Variants in L2HGDH observed in about 807,000 individuals in gnomAD.
The protein encoded by L2HGDH is L-2-hydroxyglutarate dehydrogenase, also known as L-2-hydroxyglutarate dehydrogenase, mitochondrial.
In L2HGDH, 34 loss-of-function variants were observed where a neutral mutation model predicts 51.5. That is an observed-to-expected ratio of 0.66 (90% CI 0.50 to 0.88). The LOEUF (loss-of-function observed/expected upper bound fraction) is 0.88, where lower values mean the gene tolerates loss of function less well. Ranked by LOEUF, L2HGDH falls within the 40% of genes least tolerant of loss-of-function variation. The probability of loss-of-function intolerance (pLI) is 0.00; values close to 1 mark genes in which losing one functional copy is unlikely to be tolerated. For synonymous variants in L2HGDH, 198 were observed against 197.9 expected (o/e 1.00, Z -0.01); for missense variants, 558 against 571.9 (o/e 0.98, Z 0.25).
chr14:50,282,824 T>G (rs76178303), intron 5 of L2HGDH, among the ~76,000 whole-genome samples: 1 of 152,032 alleles, frequency 6.6e-6, no homozygotes. Context: ...GCAGATCACT[T>G]GAGTCCAGGA....
chr14:50,304,452 C>T (rs761683412), intron 1 of L2HGDH, among the ~76,000 whole-genome samples: 13 of 152,128 alleles, frequency 8.5e-5, no homozygotes, highest in Non-Finnish European at 5.9e-5. Flanking sequence ...TAAACAACTC[C>T]GAGAAAATAA....
At chr14:50,283,743 TCTA>T (rs1384511890) in intron 5 of L2HGDH, 125 bp downstream of exon 5, 5 of 728,864 alleles carry the variant, frequency 6.9e-6, no homozygotes, top group Admixed American at 5.0e-5. Flanking sequence ...TATGTATTAT[TCTA>T]CTATTATTTT....
At chr14:50,308,884 G>C (rs894500203) in intron 1 of L2HGDH, among the ~76,000 whole-genome samples, 1 of 152,152 alleles carries the variant, frequency 6.6e-6, no homozygotes, top group Non-Finnish European at 1.5e-5. Flanking sequence ...ATGGTAAACG[G>C]TTAAACAAAT....
intron 9 of L2HGDH, 91 bp from the exon 10 acceptor site, chr14:50,247,344 A>G (rs1294017812): frequency 6.5e-7 from 1 of 1,535,442 alleles, no homozygotes; most frequent in African/African-American, 1.4e-5. Context: ...GCAATAAAGT[A>G]TTCTTCTAAA....
At chr14:50,285,033 G>A (rs1324354153) in intron 4 of L2HGDH, among the ~76,000 whole-genome samples, 1 of 152,146 alleles carries the variant, frequency 6.6e-6, no homozygotes, top group Non-Finnish European at 1.5e-5. Flanking sequence ...GGATCACAAG[G>A]TCAGGAGTTC....
At chr14:50,297,078 GA>G (rs1443392732) in intron 3 of L2HGDH, among the ~76,000 whole-genome samples, 1 of 152,090 alleles carries the variant, frequency 6.6e-6, no homozygotes, top group Non-Finnish European at 1.5e-5. Flanking sequence ...TTTCATGATA[GA>G]AAACATTCAA....
At chr14:50,262,265 A>G (rs914856690) in intron 9 of L2HGDH, among the ~76,000 whole-genome samples, 1 of 151,960 alleles carries the variant, frequency 6.6e-6, no homozygotes, top group Non-Finnish European at 1.5e-5. Context: ...CCCTGTCTCT[A>G]TTAAAAATAC....
rs558792699 is a variant in L2HGDH, at chr14:50,288,683, G to A, written c.541-4650C>T. Among the ~76,000 whole-genome samples the A allele has an allele frequency of 1.4e-4, 22 of 152,146 alleles. No homozygotes were observed. The East Asian group carries it at 3.7e-3, about 25-fold the overall frequency. On this transcript the variant is annotated intron_variant, in intron 4 of 9. Transcript: ENST00000267436. ...TGACCTCAGATGATCCGCCTACCTC[G>A]GCCTCCCAAAGTGCTGGGATTACAG... is the stretch of plus-strand genomic sequence containing the variant.
chr14:50,298,832 G>A (rs774865435), intron 3 of L2HGDH, among the ~76,000 whole-genome samples: 69 of 152,088 alleles, frequency 4.5e-4, no homozygotes, highest in Non-Finnish European at 9.3e-4. Flanking sequence ...GGGAAACAGC[G>A]AAAGCCGTAC....
chr14:50,270,715 C>G (rs980475567), intron 6 of L2HGDH, among the ~76,000 whole-genome samples: 1 of 152,102 alleles, frequency 6.6e-6, no homozygotes, highest in African/African-American at 2.4e-5. Flanking sequence ...ACCGTGTTAG[C>G]CAGGATGGTC....
At chr14:50,253,027 T>C (rs1446506542) in intron 9 of L2HGDH, among the ~76,000 whole-genome samples, 2 of 152,144 alleles carry the variant, frequency 1.3e-5, no homozygotes, top group African/African-American at 2.4e-5. Flanking sequence ...ATAGACCATA[T>C]GTTAGATCAC....
At chr14:50,311,237 C>G (rs1285154363) in intron 1 of L2HGDH, 2 of 420,920 alleles carry the variant, frequency 4.8e-6, no homozygotes, top group African/African-American at 4.1e-5. Context: ...TTTTAAATAG[C>G]TTCCCGTGGC....
chr14:50,282,240 AGCCCCCTAC>A (rs1284530855), intron 5 of L2HGDH, among the ~76,000 whole-genome samples: 1 of 152,124 alleles, frequency 6.6e-6, no homozygotes, highest in East Asian at 1.9e-4. Flanking sequence ...TGCACCGGAT[AGCCCCCTAC>A]GACAAAGAAC....
intron 1 of L2HGDH, among the ~76,000 whole-genome samples, chr14:50,306,274 C>A (rs1349727401): frequency 3.3e-5 from 5 of 152,166 alleles, no homozygotes; most frequent in African/African-American, 1.2e-4. Flanking sequence ...TGGTCTCAAT[C>A]TCTTGACCTC....
intron 3 of L2HGDH, among the ~76,000 whole-genome samples, chr14:50,297,910 G>A (rs941021003): frequency 3.3e-5 from 5 of 150,092 alleles, no homozygotes; most frequent in African/African-American, 1.2e-4. Flanking sequence ...AGACCAACTT[G>A]AGCAACGGAG....
chr14:50,302,110 A>C lies in L2HGDH; in HGVS notation c.315T>G (p.Pro105=). Residue 105 remains proline (P), a synonymous_variant, in exon 3 of 10, where the codon CCT becomes CCG. Transcript: ENST00000267436. ...GVIHSGIYYK[P]ESLKAKLCVQ... ...CACATAATTTGGCTTTCAGAGACTCAGGTTTATAATAAATTCCACTATGTA... is the reference window on the plus strand; with the variant it reads ...CACATAATTTGGCTTTCAGAGACTCCGGTTTATAATAAATTCCACTATGTA... The C allele has an allele frequency of 6.2e-7, 1 of 1,614,096 alleles. No individual in the cohort carries two copies. The highest frequency in any genetic ancestry group is 8.5e-7 in the Non-Finnish European group (1 of 1,179,970).
At chr14:50,249,086 C>T (rs961462540) in intron 9 of L2HGDH, among the ~76,000 whole-genome samples, 1 of 152,184 alleles carries the variant, frequency 6.6e-6, no homozygotes, top group African/African-American at 2.4e-5. Context: ...TGGGCTCAGC[C>T]AGCGCCAGCA....
rs573476803 is a variant in L2HGDH at position 50,298,318 on chromosome 14, G to A, written c.408+3699C>T. Reference sequence around the variant, plus strand: ...CATTACTCCAGAGGTTGAGGTGGGAGGACTTTTTTTTTTTGAGACAGAGTT... The same window carrying A: ...CATTACTCCAGAGGTTGAGGTGGGAAGACTTTTTTTTTTTGAGACAGAGTT... On this transcript the variant is annotated intron_variant, in intron 3 of 9. Transcript: ENST00000267436. Among the ~76,000 whole-genome samples the A allele has an allele frequency of 3.2e-3, 479 of 151,910 alleles. 1 individual carries two copies. The highest frequency in any genetic ancestry group is 4.1e-3 in the Non-Finnish European group (276 of 67,954).
At chr14:50,287,386 A>G (rs1890618876) in intron 4 of L2HGDH, 5 of 759,042 alleles carry the variant, frequency 6.6e-6, no homozygotes, top group Non-Finnish European at 8.0e-6. Flanking sequence ...TTTCAGTACC[A>G]TTAGGATACC....
Sources: allele counts gnomAD v4.1 joint callset (sites outside exome capture counted in the v4.1 genomes callset), GRCh38; gene constraint gnomAD v4.1.1; transcripts MANE v1.5; gene names NCBI Gene and HGNC (gene_info 2026-07-23, HGNC 2026-07-21).